Variants in HDAC9 observed in about 807,000 individuals in gnomAD.
HDAC9 encodes the protein MEF-2 interacting transcription repressor (MITR) protein.
A neutral mutation model predicts 139.4 loss-of-function variants in HDAC9; 41 were observed. That is an observed-to-expected ratio of 0.29 (90% CI 0.23 to 0.38). The LOEUF (loss-of-function observed/expected upper bound fraction) is 0.38. Ranked by LOEUF, HDAC9 falls within the 10% of genes least tolerant of loss-of-function variation. The probability of loss-of-function intolerance (pLI) is 1.00; values close to 1 mark genes in which losing one functional copy is unlikely to be tolerated. For missense variants in HDAC9, 1,147 were observed against 1,297.0 expected (o/e 0.88, Z 1.78); for synonymous variants, 517 against 476.2 (o/e 1.09, Z -1.12).
chr7:18,518,448 C>G (rs758689795), intron 2 of HDAC9, among the ~76,000 whole-genome samples: 1 of 152,036 alleles, frequency 6.6e-6, no homozygotes, highest in Admixed American at 6.6e-5. Flanking sequence ...CCCTAGCAAA[C>G]GTAAGTGATC....
chr7:18,259,936 T>TG (rs1795538302), intron 2 of HDAC9, among the ~76,000 whole-genome samples: 1 of 152,216 alleles, frequency 6.6e-6, no homozygotes, highest in African/African-American at 2.4e-5. Context: ...CATACTTCAG[T>TG]TGGCATTGGC....
intron 2 of HDAC9, among the ~76,000 whole-genome samples, chr7:18,172,807 T>A (rs1369504364): frequency 6.6e-6 from 1 of 152,224 alleles, no homozygotes; most frequent in Non-Finnish European, 1.5e-5. Context: ...TGCACTGTGG[T>A]CTGAGAGACA....
chr7:18,493,658 A>T (rs1473653385), upstream of HDAC9, among the ~76,000 whole-genome samples: 1 of 151,948 alleles, frequency 6.6e-6, no homozygotes, highest in African/African-American at 2.4e-5. Context: ...GATTATGGTA[A>T]TTATTTCACA....
chr7:18,229,026 G>C (rs1402889071), intron 2 of HDAC9, among the ~76,000 whole-genome samples: 2 of 152,160 alleles, frequency 1.3e-5, no homozygotes, highest in Non-Finnish European at 2.9e-5. Context: ...TTAAGAAAAA[G>C]AATGTGGAAT....
chr7:18,349,801 T>TA (rs1317544783), intron 1 of HDAC9, among the ~76,000 whole-genome samples: 1 of 152,138 alleles, frequency 6.6e-6, no homozygotes, highest in African/African-American at 2.4e-5. Context: ...ATATTTAGAA[T>TA]AAAAGGTTTT....
At chr7:18,403,890 T>C (rs1025549005) in intron 1 of HDAC9, among the ~76,000 whole-genome samples, 27 of 152,194 alleles carry the variant, frequency 1.8e-4, no homozygotes, top group African/African-American at 6.5e-4. Context: ...TAATCTACCC[T>C]GGGTAGGGCA....
At chr7:18,312,439 G>T (rs1799379057) in intron 1 of HDAC9, among the ~76,000 whole-genome samples, 1 of 152,080 alleles carries the variant, frequency 6.6e-6, no homozygotes, top group South Asian at 2.1e-4. Flanking sequence ...TTATGTTTCA[G>T]ATTTTGTTCC....
At chr7:18,120,812 C>T (rs1784321811) in intron 1 of HDAC9, among the ~76,000 whole-genome samples, 1 of 152,114 alleles carries the variant, frequency 6.6e-6, no homozygotes, top group Admixed American at 6.6e-5. Flanking sequence ...CTCTTTGTAT[C>T]TTTCAAAAGC....
At chr7:18,885,184 A>C (rs1800044906) in intron 22 of HDAC9, among the ~76,000 whole-genome samples, 3 of 152,260 alleles carry the variant, frequency 2.0e-5, no homozygotes, top group African/African-American at 7.2e-5. Context: ...CTGGTCGTCC[A>C]GCAGAAAACA....
intron 1 of HDAC9, among the ~76,000 whole-genome samples, chr7:18,416,908 G>T (rs1789121475): frequency 6.6e-6 from 1 of 151,750 alleles, no homozygotes; most frequent in Non-Finnish European, 1.5e-5. Context: ...CTTCAGTTTT[G>T]GTTTTGAGTA....
intron 2 of HDAC9, among the ~76,000 whole-genome samples, chr7:18,519,430 G>A (rs1241656960): frequency 1.3e-5 from 2 of 152,210 alleles, no homozygotes; most frequent in South Asian, 4.1e-4. Context: ...AGAAATACCA[G>A]TAACTCAGTG....
intron 2 of HDAC9, chr7:18,496,723 C>G (rs1432140165): frequency 1.2e-5 from 2 of 162,348 alleles, no homozygotes; most frequent in African/African-American, 4.8e-5. Context: ...GCCCCGCTAG[C>G]CTGACGATTT....
In HDAC9 at chr7:18,825,100, G is replaced by A. The variant is rs574253252; in HGVS notation, c.2323-4061G>A. Among the ~76,000 whole-genome samples the A allele has an allele frequency of 1.1e-3, 169 of 152,274 alleles. 1 individual carries two copies. The highest frequency in any genetic ancestry group is 3.6e-3 in the African/African-American group (149 of 41,558). Reference sequence around the variant, plus strand: ...TTGATTTTGGTATAGAGTTTCAAGTGACTTTGATATATCCAAGTGATATTG... The same window carrying A: ...TTGATTTTGGTATAGAGTTTCAAGTAACTTTGATATATCCAAGTGATATTG... On this transcript the variant is annotated intron_variant, in intron 17 of 25. Transcript: ENST00000686413.
intron 17 of HDAC9, among the ~76,000 whole-genome samples, chr7:18,805,530 G>A (rs964326044): frequency 2.0e-5 from 3 of 152,196 alleles, no homozygotes; most frequent in African/African-American, 7.2e-5. Flanking sequence ...GCGGGCCAGT[G>A]GACACTGCGC....
chr7:18,979,705 T>C (rs1784772690), intron 25 of HDAC9, among the ~76,000 whole-genome samples: 1 of 152,116 alleles, frequency 6.6e-6, no homozygotes, highest in African/African-American at 2.4e-5. Context: ...CTTAAAATCA[T>C]GGAGGAAGGT....
At chr7:18,111,537 A>C (rs1487956573) in intron 1 of HDAC9, among the ~76,000 whole-genome samples, 1 of 152,150 alleles carries the variant, frequency 6.6e-6, no homozygotes, top group Non-Finnish European at 1.5e-5. Flanking sequence ...TCTTGGGTAA[A>C]AGGGTATAGT....
Position 18,593,936 on chromosome 7 carries a change from A to C in HDAC9, c.571A>C (p.Ser191Arg). ...TAAHHTSLDQSSPPLSGTSPS... is the reference protein window; with the variant it reads ...TAAHHTSLDQRSPPLSGTSPS... ...TGCCCACCACACATCATTGGATCAA[A>C]GCTCTCCACCCCTTAGTGGAACATC... is the stretch of plus-strand genomic sequence containing the variant. The change falls in exon 6 of 26, where the codon AGC becomes CGC. Residue 191 changes from serine to arginine, a missense_variant. Around this residue, in one of 7 missense-constraint regions of HDAC9, gnomAD observed 79 missense variants for 65.8 expected, o/e 1.20. Transcript: ENST00000686413. 6.2e-7 allele frequency: 1 copy of C among 1,612,908 alleles called. No individual in the cohort carries two copies. The highest frequency in any genetic ancestry group is 8.5e-7 in the Non-Finnish European group (1 of 1,179,090).
At chr7:18,568,026 G>GTATGTATA (rs1554505029) in intron 2 of HDAC9, among the ~76,000 whole-genome samples, 4 of 126,820 alleles carry the variant, frequency 3.2e-5, no homozygotes, top group African/African-American at 9.2e-5. Context: ...ATATGTATAT[G>GTATGTATA]TATATATATA....
At chr7:18,556,580 A>G (rs186240145) in intron 2 of HDAC9, among the ~76,000 whole-genome samples, 2 of 152,060 alleles carry the variant, frequency 1.3e-5, no homozygotes, top group African/African-American at 4.8e-5. Context: ...CAGCTCTTTA[A>G]TTAAGTTCAC....
Sources: allele counts gnomAD v4.1 joint callset (sites outside exome capture counted in the v4.1 genomes callset), GRCh38; gene constraint gnomAD v4.1.1; regional missense constraint gnomAD v4.1.1; transcripts MANE v1.5; gene names NCBI Gene and HGNC (gene_info 2026-07-23, HGNC 2026-07-21).